The following PHACTR1 variants were observed in gnomAD, a reference collection of about 807,000 sequenced individuals.
PHACTR1 encodes phosphatase and actin regulator 1.
PHACTR1 carries 16 observed loss-of-function variants against 69.2 expected under a neutral mutation model. That is an observed-to-expected ratio of 0.23 (90% CI 0.16 to 0.35). PHACTR1 has a LOEUF of 0.35. Among genes scored for constraint, PHACTR1 ranks in the 10% least tolerant of loss-of-function variants. PHACTR1 has a pLI of 1.00. For missense variants in PHACTR1, 510 were observed against 734.7 expected, an observed-to-expected ratio of 0.69 and a Z score of 3.54; for synonymous variants, 312 against 284.5, an observed-to-expected ratio of 1.10 and a Z score of -0.97.
At chr6:13,145,856 T>C (rs1159721646) in intron 5 of PHACTR1, among the ~76,000 whole-genome samples, 1 of 152,240 alleles carries the variant, frequency 6.6e-6, no homozygotes, top group East Asian at 1.9e-4. Flanking sequence ...CGGTCTATAG[T>C]GTTTTGTCAT....
At chr6:13,220,851 T>G (rs756803157) in intron 8 of PHACTR1, among the ~76,000 whole-genome samples, 3 of 152,226 alleles carry the variant, frequency 2.0e-5, no homozygotes, top group Admixed American at 6.5e-5. Flanking sequence ...TTTGATCAAC[T>G]TATCCATCAG....
rs1249733921 is a variant in PHACTR1, at chr6:13,283,372, C to T, written c.1510-50C>T. 1.2e-6 allele frequency: 2 copies of T among 1,603,384 alleles called. No homozygotes were observed. Among genetic ancestry groups the T allele is most frequent in the Admixed American group, 3.3e-5 (2 of 59,732 alleles). On this transcript the variant is annotated intron_variant, in intron 12 of 14. Transcript: ENST00000332995. The surrounding 1 kb of genome is among the most constrained non-coding windows in gnomAD (Gnocchi z 4.7). ...CAAGTTCACAGACAGGACCAAGTGC[C>T]ATGGTCAACCCTTCTGGCTGACTGG...
chr6:12,999,019 C>T lies in PHACTR1; in HGVS notation c.251-54346C>T, dbSNP rs575378375. On this transcript the variant is annotated intron_variant, in intron 4 of 14. Transcript: ENST00000332995. ...CTGTTGATGAGAGGGTAATTGTTAA[C>T]GATCACTTTAAGAGCTATCTGTCAA... is the stretch of plus-strand genomic sequence containing the variant. Among the ~76,000 whole-genome samples the T allele has an allele frequency of 2.6e-5, 4 of 152,270 alleles. No individual in the cohort carries two copies. The South Asian group carries it at 8.3e-4, about 32-fold the overall frequency.
chr6:13,152,564 C>T (rs1824474650), intron 5 of PHACTR1, among the ~76,000 whole-genome samples: 1 of 152,198 alleles, frequency 6.6e-6, no homozygotes, highest in Non-Finnish European at 1.5e-5. Context: ...TATCTCCAGA[C>T]TGCTCATTTC....
intron 4 of PHACTR1, among the ~76,000 whole-genome samples, chr6:12,752,826 G>A (rs183232605): frequency 3.6e-4 from 55 of 152,328 alleles, no homozygotes; most frequent in African/African-American, 1.2e-3. Flanking sequence ...GCACCAAAAT[G>A]TGGGTCTTTC....
chr6:12,879,567 A>G lies in PHACTR1; in HGVS notation c.250+129777A>G, dbSNP rs140683017. Among the ~76,000 whole-genome samples the G allele has an allele frequency of 5.0e-3, 757 of 152,180 alleles. 2 individuals are homozygous for G. Among genetic ancestry groups the G allele is most frequent in the African/African-American group, 0.017 (724 of 41,500 alleles). On this transcript the variant is annotated intron_variant, in intron 4 of 14. Transcript: ENST00000332995. ...AGACCTGATTTGTGACCTTTTTCTC[A>G]GGAGCTTTTTGTCCCTGTCAGAGAC... is the stretch of plus-strand genomic sequence containing the variant.
At chr6:13,007,080 A>G (rs140848603) in intron 4 of PHACTR1, among the ~76,000 whole-genome samples, 2 of 152,330 alleles carry the variant, frequency 1.3e-5, no homozygotes, top group East Asian at 3.9e-4. Flanking sequence ...TATTGTGGAA[A>G]TCCTTCCAGG....
chr6:12,923,072 A>G (rs1787891827), intron 4 of PHACTR1, among the ~76,000 whole-genome samples: 1 of 152,274 alleles, frequency 6.6e-6, no homozygotes, highest in Non-Finnish European at 1.5e-5. Context: ...TTACAAAAAT[A>G]GAATCCGAAA....
Position 13,246,943 on chromosome 6 carries a change from T to C in PHACTR1, c.1391+16750T>C, listed in dbSNP as rs1773656920. On this transcript the variant is annotated intron_variant, in intron 10 of 14. Transcript: ENST00000332995. The surrounding 1 kb of genome is among the most constrained non-coding windows in gnomAD (Gnocchi z 4.2). The stretch of plus-strand genomic sequence containing the variant: ...TTTTATAATGGCCTCAAAAATTGCA[T>C]ACATGCCTAACTAAATAGTAATTTT... Among the ~76,000 whole-genome samples the C allele has an allele frequency of 6.6e-6, 1 of 152,228 alleles. No homozygotes were observed. Among genetic ancestry groups the C allele is most frequent in the African/African-American group, 2.4e-5 (1 of 41,450 alleles).
At chr6:13,025,683 G>A (rs1212695046) in intron 4 of PHACTR1, among the ~76,000 whole-genome samples, 1 of 150,988 alleles carries the variant, frequency 6.6e-6, no homozygotes, top group African/African-American at 2.5e-5. Context: ...GTGTGTGTGT[G>A]TGTGTGTGTG....
intron 5 of PHACTR1, among the ~76,000 whole-genome samples, chr6:13,108,692 A>C (rs944827135): frequency 6.6e-6 from 1 of 152,078 alleles, no homozygotes; most frequent in African/African-American, 2.4e-5. Context: ...TTAGTGTCTA[A>C]ATAGCATATC....
intron 4 of PHACTR1, among the ~76,000 whole-genome samples, chr6:12,871,423 T>G (rs1346326998): frequency 1.3e-5 from 2 of 152,196 alleles, no homozygotes; most frequent in Non-Finnish European, 2.9e-5. Flanking sequence ...TGCGTTTGAC[T>G]TATAAGCTTT....
intron 4 of PHACTR1, among the ~76,000 whole-genome samples, chr6:12,967,156 T>C (rs1426828590): frequency 6.6e-6 from 1 of 152,202 alleles, no homozygotes; most frequent in Admixed American, 6.5e-5. Context: ...GATAAAAGTG[T>C]TTCCAAATAC....
At chr6:13,145,352 A>G (rs1167154533) in intron 5 of PHACTR1, among the ~76,000 whole-genome samples, 1 of 152,222 alleles carries the variant, frequency 6.6e-6, no homozygotes, top group East Asian at 1.9e-4. Flanking sequence ...ATTTTTTCCT[A>G]AAGTAGGAGA....
At chr6:13,104,107 AT>A (rs937794953) in intron 5 of PHACTR1, among the ~76,000 whole-genome samples, 3 of 151,796 alleles carry the variant, frequency 2.0e-5, no homozygotes, top group Non-Finnish European at 2.9e-5. Context: ...AATAAAGAAA[AT>A]TTTTTTCGAA....
intron 11 of PHACTR1, chr6:13,273,141 G>C: frequency 1.8e-6 from 1 of 561,084 alleles, no homozygotes; most frequent in Non-Finnish European, 3.0e-6. Flanking sequence ...GCGGCAGGCA[G>C]AACCTTCCTT....
intron 4 of PHACTR1, among the ~76,000 whole-genome samples, chr6:12,959,228 C>G (rs888349481): frequency 9.1e-5 from 9 of 98,412 alleles, no homozygotes; most frequent in Non-Finnish European, 8.9e-5. Context: ...AAAACAGAAA[C>G]AACTCTTTAA....
chr6:13,189,665 G>T (rs982589246), intron 7 of PHACTR1, among the ~76,000 whole-genome samples: 12 of 152,104 alleles, frequency 7.9e-5, no homozygotes, highest in Admixed American at 7.9e-4. Flanking sequence ...CTCCCAAAGT[G>T]CTGGGATTAC....
intron 4 of PHACTR1, among the ~76,000 whole-genome samples, chr6:12,854,068 G>A (rs1000986538): frequency 3.9e-5 from 6 of 152,184 alleles, no homozygotes; most frequent in Non-Finnish European, 7.3e-5. Flanking sequence ...ACTGGGTTAT[G>A]GGTGTATATA....
Sources: gnomAD v4.1 joint callset for allele counts (sites outside exome capture counted in the v4.1 genomes callset) on GRCh38, gnomAD v4.1.1 for gene constraint, Gnocchi (gnomAD v3.1) non-coding constraint, MANE v1.5 for transcripts, NCBI Gene and HGNC (gene_info 2026-07-23, HGNC 2026-07-21) for gene names.